TESK2: variants seen among roughly 807,000 people sequenced by gnomAD.
TESK2 encodes dual specificity testis-specific protein kinase 2.
Under a neutral mutation model 57.1 loss-of-function variants are expected in TESK2, and 39 were observed. That is an observed-to-expected ratio of 0.68 (90% CI 0.53 to 0.89). The LOEUF (loss-of-function observed/expected upper bound fraction) is 0.89, where lower values mean the gene tolerates loss of function less well. Ranked by LOEUF, TESK2 falls within the 40% of genes least tolerant of loss-of-function variation. The pLI is 0.00. For missense variants in TESK2, 646 were observed against 732.1 expected (o/e 0.88, Z 1.36); for synonymous variants, 249 against 267.9 (o/e 0.93, Z 0.69).
chr1:45,367,744 G>A (rs1315579689), intron 4 of TESK2, among the ~76,000 whole-genome samples: 2 of 139,438 alleles, frequency 1.4e-5, no homozygotes, highest in Non-Finnish European at 3.0e-5. Flanking sequence ...TGCAACCTCT[G>A]CCTCCCAGGT....
intron 2 of TESK2, among the ~76,000 whole-genome samples, chr1:45,432,247 T>C (rs1650996766): frequency 6.6e-6 from 1 of 151,904 alleles, no homozygotes; most frequent in Admixed American, 6.6e-5. Flanking sequence ...ACTTAGGAAG[T>C]AGGTCTTGAA....
intron 4 of TESK2, among the ~76,000 whole-genome samples, chr1:45,384,611 T>TA: frequency 7.7e-6 from 1 of 129,440 alleles, no homozygotes; most frequent in African/African-American, 3.0e-5. Context: ...TTTTTTTTTT[T>TA]TTTTTTTTTT....
At chr1:45,387,604 A>T (rs1648955386) in intron 3 of TESK2, among the ~76,000 whole-genome samples, 1 of 152,156 alleles carries the variant, frequency 6.6e-6, no homozygotes, top group African/African-American at 2.4e-5. Flanking sequence ...TGTTCACAGA[A>T]CCTAACACCA....
chr1:45,432,551 C>T (rs1246029790), intron 2 of TESK2, among the ~76,000 whole-genome samples: 3 of 150,494 alleles, frequency 2.0e-5, no homozygotes, highest in Non-Finnish European at 1.5e-5. Flanking sequence ...ATTAGCCGGG[C>T]ATGGTGGCAG....
At chr1:45,462,273 C>T (rs1000282432) in intron 1 of TESK2, among the ~76,000 whole-genome samples, 27 of 147,798 alleles carry the variant, frequency 1.8e-4, no homozygotes, top group African/African-American at 6.4e-4. Flanking sequence ...AAAGGGATCT[C>T]TTTTTTTTTT....
intron 4 of TESK2, among the ~76,000 whole-genome samples, chr1:45,381,613 C>T (rs1463221151): frequency 3.3e-5 from 5 of 152,140 alleles, no homozygotes; most frequent in African/African-American, 7.2e-5. Flanking sequence ...ATGAGTGAGC[C>T]TGAGATCAGC....
At chr1:45,412,395 G>A (rs1650068538) in intron 3 of TESK2, among the ~76,000 whole-genome samples, 2 of 152,186 alleles carry the variant, frequency 1.3e-5, no homozygotes, top group South Asian at 4.1e-4. Context: ...ACCAAAAATG[G>A]CTGGAATTTT....
chr1:45,385,439 G>GTCCCTGCTGTGGTTT, intron 4 of TESK2: 2 of 618,286 alleles, frequency 3.2e-6, no homozygotes, highest in Non-Finnish European at 4.0e-6. Context: ...GGAAACCACA[G>GTCCCTGCTGTGGTTT]CAGGGACTGT....
chr1:45,463,260 T>C (rs1652407066), intron 1 of TESK2, among the ~76,000 whole-genome samples: 1 of 152,246 alleles, frequency 6.6e-6, no homozygotes, highest in African/African-American at 2.4e-5. Flanking sequence ...TGTCCATTTT[T>C]GCTTTGGTTA....
rs145450952 is a variant in TESK2 at position 45,448,043 on chromosome 1, T to G, written c.222+9521A>C. Among the ~76,000 whole-genome samples the G allele has an allele frequency of 1.0e-3, 155 of 149,722 alleles. 2 individuals are homozygous for G. In the East Asian group the frequency reaches 0.027, roughly 26 times the overall value. On this transcript the variant is annotated intron_variant, in intron 2 of 10. Transcript: ENST00000372086. ...TGTGTGTGTGTGTGTGTATTTTGTT[T>G]TTTTTTTTTGGTAGAGACCTTGTGT...
intron 1 of TESK2, among the ~76,000 whole-genome samples, chr1:45,489,665 C>T (rs1234012308): frequency 6.6e-6 from 1 of 152,180 alleles, no homozygotes; most frequent in Admixed American, 6.5e-5. Context: ...TGGCGCATGC[C>T]TGTAATCCCA....
chr1:45,458,841 T>C (rs931864085), intron 1 of TESK2, among the ~76,000 whole-genome samples: 1 of 152,158 alleles, frequency 6.6e-6, no homozygotes, highest in Non-Finnish European at 1.5e-5. Flanking sequence ...ATCTGGTACA[T>C]AACTAAGAAT....
intron 5 of TESK2, among the ~76,000 whole-genome samples, chr1:45,350,324 G>A (rs1193313988): frequency 1.3e-5 from 2 of 152,162 alleles, no homozygotes; most frequent in African/African-American, 4.8e-5. Flanking sequence ...AGGTGTCCTG[G>A]AACAGCTGCA....
intron 2 of TESK2, among the ~76,000 whole-genome samples, chr1:45,436,613 C>G (rs1369289797): frequency 1.3e-5 from 2 of 149,608 alleles, no homozygotes; most frequent in East Asian, 2.0e-4. Flanking sequence ...CCTCCCCTCC[C>G]GAGTAGCTGG....
At chr1:45,477,645 T>C (rs1190218567) in intron 1 of TESK2, among the ~76,000 whole-genome samples, 1 of 142,708 alleles carries the variant, frequency 7.0e-6, no homozygotes, top group Non-Finnish European at 1.5e-5. Context: ...AAAAGAAAGA[T>C]TTTAACCAAA....
At chr1:45,463,137 C>G (rs528149202) in intron 1 of TESK2, among the ~76,000 whole-genome samples, 3 of 152,052 alleles carry the variant, frequency 2.0e-5, no homozygotes, top group African/African-American at 7.2e-5. Flanking sequence ...GTTATTAATT[C>G]TTTGTCAGAC....
intron 2 of TESK2, among the ~76,000 whole-genome samples, chr1:45,443,568 C>CAAAAAAAAAAA (rs34128016): frequency 3.1e-5 from 1 of 32,020 alleles, no homozygotes. Context: ...AGATCCATCG[C>CAAAAAAAAAAA]AAAAAAAAAA....
chr1:45,390,701 G>A (rs1172892442), intron 3 of TESK2, among the ~76,000 whole-genome samples: 1 of 149,852 alleles, frequency 6.7e-6, no homozygotes, highest in Non-Finnish European at 1.5e-5. Context: ...TCAGCCTCAT[G>A]AGCAGCTAGG....
chr1:45,407,559 C>G (rs977268471), intron 3 of TESK2, among the ~76,000 whole-genome samples: 7 of 152,026 alleles, frequency 4.6e-5, no homozygotes, highest in Non-Finnish European at 1.5e-5. Context: ...TTTGGAGGGA[C>G]CTGGTGGGAG....
Sources: gnomAD v4.1 joint callset for allele counts (sites outside exome capture counted in the v4.1 genomes callset) on GRCh38, gnomAD v4.1.1 for gene constraint, MANE v1.5 for transcripts, NCBI Gene and HGNC (gene_info 2026-07-23, HGNC 2026-07-21) for gene names.